ABHD2: variants seen among roughly 807,000 people sequenced by gnomAD.
The protein encoded by ABHD2 is monoacylglycerol lipase ABHD2.
A neutral mutation model predicts 48.1 loss-of-function variants in ABHD2; 20 were observed. The observed-to-expected ratio is 0.42, with a 90% CI of 0.29 to 0.60. The LOEUF (loss-of-function observed/expected upper bound fraction) is 0.60, where lower values mean the gene tolerates loss of function less well. Among genes scored for constraint, ABHD2 ranks in the 20% least tolerant of loss-of-function variants. The probability of loss-of-function intolerance (pLI) is 0.24; values close to 1 mark genes in which losing one functional copy is unlikely to be tolerated. For synonymous variants in ABHD2, 209 were observed against 214.2 expected (o/e 0.98, Z 0.21); for missense variants, 405 against 550.9 (o/e 0.74, Z 2.65).
chr15:89,134,161 A>G (rs191032185), intron 3 of ABHD2, among the ~76,000 whole-genome samples: 212 of 152,284 alleles, frequency 1.4e-3, no homozygotes, highest in Non-Finnish European at 2.3e-3. Flanking sequence ...TAATGTTTGC[A>G]TAATTAAATT....
chr15:89,171,055 G>T (rs1172802512), intron 5 of ABHD2, among the ~76,000 whole-genome samples: 2 of 152,110 alleles, frequency 1.3e-5, no homozygotes, highest in African/African-American at 2.4e-5. Context: ...GGCAGAGGTT[G>T]CAGTGAGTCA....
chr15:89,041,026 G>A, the ABHD2 span, among the ~76,000 whole-genome samples: 1 of 152,240 alleles, frequency 6.6e-6, no homozygotes, highest in Non-Finnish European at 1.5e-5. Flanking sequence ...TGCCAGCAGA[G>A]GCTTGAAAAG....
Position 89,104,456 on chromosome 15 carries a change from G to A in ABHD2, c.-106-9269G>A, listed in dbSNP as rs1485463246. ...TGGTGAAATGCAAGACTGTTAGAGT[G>A]ATAATGGGCTGCACGTGTTAATGCT... On this transcript the variant is annotated intron_variant, in intron 1 of 10. Coordinates refer to ENST00000352732, the MANE Select transcript of ABHD2 (RefSeq NM_152924.5). This position sits in a 1 kb window ranked among gnomAD's most constrained non-coding sequence, Gnocchi z 4.4. Among the ~76,000 whole-genome samples, 2 of 152,188 alleles carry A rather than the reference G, an allele frequency of 1.3e-5. No individual in the cohort carries two copies. Among genetic ancestry groups the A allele is most frequent in the Non-Finnish European group, 2.9e-5 (2 of 68,036 alleles).
At chr15:89,194,543 G>A (rs1596169745) in intron 10 of ABHD2, among the ~76,000 whole-genome samples, 1 of 152,202 alleles carries the variant, frequency 6.6e-6, no homozygotes, top group Non-Finnish European at 1.5e-5. Context: ...TTAACACAAC[G>A]TGCAGCTTTA....
Position 89,201,780 on chromosome 15 carries a change from G to T in ABHD2, c.*6357G>T. 1 of 1,482,428 alleles carries T rather than the reference G, an allele frequency of 6.7e-7. No individual in the cohort carries two copies. The highest frequency in any genetic ancestry group is 1.7e-5 in the Admixed American group (1 of 59,834). The allele number at this position is 1,482,428 out of a possible 1,614,324, so 91.8% of individuals were successfully genotyped here. A position where few individuals can be genotyped will look rare whatever the true frequency, so the allele number is the denominator to read the frequency against. ...GACCAGGATCTGCTCGTGCTTCGCC[G>T]TGGCCCCGGAGGCAGACGCCATTGG... On this transcript the variant is annotated 3_prime_UTR_variant, in exon 11 of 11. Transcript: ENST00000352732.
At position 89,198,257 on chromosome 15, in the gene ABHD2, G is replaced by A. The variant is rs1434989969; in HGVS notation, c.*2834G>A. 1 of 152,146 alleles carries A rather than the reference G, an allele frequency of 6.6e-6. No individual in the cohort carries two copies. The highest frequency in any genetic ancestry group is 2.4e-5 in the African/African-American group (1 of 41,428). 9.4% of individuals were successfully genotyped at this position (152,146 alleles called of 1,614,324 possible). On this transcript the variant is annotated 3_prime_UTR_variant, in exon 11 of 11. Transcript: ENST00000352732. This position sits in a 1 kb window ranked among gnomAD's most constrained non-coding sequence, Gnocchi z 5.1. ...CATCAATCTGGACAATTCCATTGCA[G>A]GAATAATATGTTAAAAACCAATGGG...
At chr15:89,077,407 TTACAA>T in the ABHD2 span, among the ~76,000 whole-genome samples, 1 of 152,220 alleles carries the variant, frequency 6.6e-6, no homozygotes, top group African/African-American at 2.4e-5. Flanking sequence ...TTTGGACAGT[TTACAA>T]TCTTAAGCTA....
the ABHD2 span, among the ~76,000 whole-genome samples, chr15:89,042,725 T>G: frequency 6.6e-6 from 1 of 151,902 alleles, no homozygotes; most frequent in Non-Finnish European, 1.5e-5. Context: ...TGGCTCACTC[T>G]AGCCTCTGCC....
rs201829439 is a variant in ABHD2, at chr15:89,139,052, C to CA, written c.195-12616dup. Among the ~76,000 whole-genome samples the CA allele has an allele frequency of 5.1e-3, 750 of 147,860 alleles. 2 individuals carry two copies. Among genetic ancestry groups the CA allele is most frequent in the Middle Eastern group, 0.01 (3 of 292 alleles). Reference sequence around the variant, plus strand: ...GCGACATAGCAAGACCCTGTCTCTACAAAAAAAAATTAACTGGGCATGGTG... The same window carrying CA: ...GCGACATAGCAAGACCCTGTCTCTACAAAAAAAAAATTAACTGGGCATGGTG... On this transcript the variant is annotated intron_variant, in intron 3 of 10. Coordinates refer to ENST00000352732, the MANE Select transcript of ABHD2 (RefSeq NM_152924.5).
At chr15:89,162,118 A>C (rs1207300868) in intron 5 of ABHD2, among the ~76,000 whole-genome samples, 1 of 152,168 alleles carries the variant, frequency 6.6e-6, no homozygotes. Flanking sequence ...ATCTCCAAAT[A>C]TAGTCACATT....
At chr15:89,141,359 C>T (rs1328940695) in intron 3 of ABHD2, among the ~76,000 whole-genome samples, 3 of 152,186 alleles carry the variant, frequency 2.0e-5, no homozygotes, top group East Asian at 1.9e-4. Flanking sequence ...CGGCCAGGCA[C>T]TGTGGCTCAC....
chr15:89,051,581 C>G, the ABHD2 span, among the ~76,000 whole-genome samples: 42 of 152,310 alleles, frequency 2.8e-4, no homozygotes, highest in East Asian at 8.1e-3. Context: ...ACAATTCCCA[C>G]ATGTCATGGG....
chr15:89,069,674 C>CTTTTTTTTTTTTTTTTTT, the ABHD2 span, among the ~76,000 whole-genome samples: 70 of 52,900 alleles, frequency 1.3e-3, 21 homozygotes, highest in South Asian at 2.1e-3. Context: ...TTCATTTACT[C>CTTTTTTTTTTTTTTTTTT]TTTTTTTTTT....
the ABHD2 span, among the ~76,000 whole-genome samples, chr15:89,075,597 T>C: frequency 1.3e-5 from 2 of 152,156 alleles, no homozygotes; most frequent in Non-Finnish European, 2.9e-5. This position sits in a 1 kb window ranked among gnomAD's most constrained non-coding sequence, Gnocchi z 4.1. Context: ...GGGCCTCCTG[T>C]ACCTCCAGGA....
At position 89,152,184 on chromosome 15, in the gene ABHD2, G is replaced by A. The variant is rs184610918; in HGVS notation, c.370+332G>A. Among the ~76,000 whole-genome samples the A allele has an allele frequency of 2.6e-3, 387 of 151,112 alleles. 3 individuals are homozygous for A. The East Asian group carries it at 0.049, about 19-fold the overall frequency. ...TCCGCCTCCCAGGTTCACTCCATTC[G>A]CCTGCCTCAGCCTCCCGAGTAGCTG... On this transcript the variant is annotated intron_variant, in intron 4 of 10. Coordinates refer to ENST00000352732, the MANE Select transcript of ABHD2 (RefSeq NM_152924.5).
Position 89,176,029 on chromosome 15 carries a change from G to T in ABHD2, c.722+34G>T. On this transcript the variant is annotated intron_variant, in intron 6 of 10. Coordinates refer to ENST00000352732, the MANE Select transcript of ABHD2 (RefSeq NM_152924.5). The surrounding 1 kb of genome is among the most constrained non-coding windows in gnomAD (Gnocchi z 4.5). ...TCTCCGCCTTCCATCAGGGCCTTCA[G>T]TTAGCCCTTATTTATAGAGATGCCC... 1 of 1,559,894 alleles carries T rather than the reference G, an allele frequency of 6.4e-7. No homozygotes were observed. The highest frequency in any genetic ancestry group is 8.7e-7 in the Non-Finnish European group (1 of 1,152,354).
the ABHD2 span, among the ~76,000 whole-genome samples, chr15:89,053,231 G>A: frequency 6.6e-6 from 1 of 152,112 alleles, no homozygotes; most frequent in Non-Finnish European, 1.5e-5. Flanking sequence ...CTCCCAAAGT[G>A]CTGGGATTAC....
At chr15:89,129,077 A>C (rs190375843) in intron 3 of ABHD2, among the ~76,000 whole-genome samples, 2 of 152,274 alleles carry the variant, frequency 1.3e-5, no homozygotes, top group East Asian at 3.9e-4. Flanking sequence ...TTTCTCAAGG[A>C]AAGTTGTTTA....
rs2051458763 is a variant in ABHD2, at chr15:89,200,793, C to G, written c.*5370C>G. On this transcript the variant is annotated 3_prime_UTR_variant, in exon 11 of 11. Coordinates refer to ENST00000352732, the MANE Select transcript of ABHD2 (RefSeq NM_152924.5). Reference sequence around the variant, plus strand: ...CAAGACGAATTTCCCTAGAAAGAATCCAATGAAGGCCGGGCATAGTGGCTC... The same window carrying G: ...CAAGACGAATTTCCCTAGAAAGAATGCAATGAAGGCCGGGCATAGTGGCTC... 1 of 255,060 alleles carries G rather than the reference C, an allele frequency of 3.9e-6. No individual in the cohort carries two copies. The highest frequency in any genetic ancestry group is 7.8e-6 in the Non-Finnish European group (1 of 128,004). 15.8% of individuals were successfully genotyped at this position (255,060 alleles called of 1,614,324 possible).
Sources: allele counts gnomAD v4.1 joint callset (sites outside exome capture counted in the v4.1 genomes callset), GRCh38; gene constraint gnomAD v4.1.1; non-coding constraint Gnocchi (gnomAD v3.1); transcripts MANE v1.5; gene names NCBI Gene and HGNC (gene_info 2026-07-23, HGNC 2026-07-21).